Variants in SAMD4A observed in about 807,000 individuals in gnomAD.
SAMD4A encodes sterile alpha motif domain containing 4A.
Under a neutral mutation model 81.3 loss-of-function variants are expected in SAMD4A, and 33 were observed. The observed-to-expected ratio is 0.41, with a 90% confidence interval of 0.31 to 0.54. The LOEUF is 0.54. SAMD4A is among the 20% of genes least tolerant of loss of function. SAMD4A has a pLI of 0.37. For missense variants in SAMD4A, 854 were observed against 951.1 expected (o/e 0.90, Z 1.34); for synonymous variants, 389 against 382.1 (o/e 1.02, Z -0.21).
chr14:54,694,356 G>C (rs1028938860), intron 2 of SAMD4A: 1 of 152,716 alleles, frequency 6.5e-6, no homozygotes, highest in African/African-American at 2.4e-5. Context: ...TTTATGGAGA[G>C]GTTAGATGCA....
At chr14:54,593,566 G>C (rs1469575508) in intron 2 of SAMD4A, among the ~76,000 whole-genome samples, 3 of 152,106 alleles carry the variant, frequency 2.0e-5, no homozygotes, top group Non-Finnish European at 4.4e-5. Context: ...GATTTCAGGA[G>C]AAATGAAATC....
intron 3 of SAMD4A, among the ~76,000 whole-genome samples, chr14:54,724,007 T>TGGAAGAAAGGAAGGAAGGAA: frequency 8.1e-6 from 1 of 124,176 alleles, no homozygotes; most frequent in South Asian, 3.0e-4. Context: ...GATGGATGGA[T>TGGAAGAAAGGAAGGAAGGAA]GGAAGGAAGG....
At chr14:54,656,279 T>A (rs1359449420) in intron 2 of SAMD4A, among the ~76,000 whole-genome samples, 1 of 152,188 alleles carries the variant, frequency 6.6e-6, no homozygotes, top group Non-Finnish European at 1.5e-5. Flanking sequence ...CTTTAATGAT[T>A]ACATTTAGAG....
At chr14:54,696,027 A>G (rs1304760114) in intron 2 of SAMD4A, among the ~76,000 whole-genome samples, 2 of 152,044 alleles carry the variant, frequency 1.3e-5, no homozygotes, top group Non-Finnish European at 2.9e-5. Flanking sequence ...GTACCTTTTC[A>G]AAACACTACT....
chr14:54,730,798 G>T (rs2037542747), intron 3 of SAMD4A, among the ~76,000 whole-genome samples: 1 of 151,926 alleles, frequency 6.6e-6, no homozygotes, highest in Non-Finnish European at 1.5e-5. Context: ...AAATACTCTG[G>T]TTTTGTATGT....
chr14:54,638,212 A>G (rs529268836), intron 2 of SAMD4A, among the ~76,000 whole-genome samples: 1 of 152,220 alleles, frequency 6.6e-6, no homozygotes, highest in South Asian at 2.1e-4. Flanking sequence ...GCTTAGGGCA[A>G]CTGTGTGTCT....
chr14:54,595,417 A>G (rs996266979), intron 2 of SAMD4A, among the ~76,000 whole-genome samples: 1 of 148,252 alleles, frequency 6.7e-6, no homozygotes, highest in Non-Finnish European at 1.5e-5. Flanking sequence ...ACATGTGTTT[A>G]TTTATATATA....
At chr14:54,777,223 G>C (rs1408467888) in intron 11 of SAMD4A, among the ~76,000 whole-genome samples, 2 of 150,814 alleles carry the variant, frequency 1.3e-5, no homozygotes, top group East Asian at 3.9e-4. Context: ...ACTGCCCCAA[G>C]GCAGGCAAAC....
At chr14:54,645,444 C>T (rs535064290) in intron 2 of SAMD4A, among the ~76,000 whole-genome samples, 4 of 152,258 alleles carry the variant, frequency 2.6e-5, no homozygotes, top group African/African-American at 7.2e-5. Context: ...CATTAATTTA[C>T]GAAAGACTCT....
chr14:54,719,312 C>G (rs1431211739), intron 3 of SAMD4A, among the ~76,000 whole-genome samples: 1 of 152,140 alleles, frequency 6.6e-6, no homozygotes, highest in Non-Finnish European at 1.5e-5. Context: ...CATTGGGAAT[C>G]ACAGCCCTAA....
At chr14:54,646,140 G>T (rs765478922) in intron 2 of SAMD4A, among the ~76,000 whole-genome samples, 27 of 152,190 alleles carry the variant, frequency 1.8e-4, no homozygotes, top group Non-Finnish European at 3.2e-4. Context: ...ACATGGCCCA[G>T]GTTTGTCACA....
intron 2 of SAMD4A, among the ~76,000 whole-genome samples, chr14:54,586,445 A>G (rs1482904185): frequency 3.9e-5 from 6 of 151,970 alleles, no homozygotes; most frequent in African/African-American, 1.2e-4. Context: ...AGTCCCATCT[A>G]TTTATCTTTG....
intron 2 of SAMD4A, among the ~76,000 whole-genome samples, chr14:54,675,749 G>A (rs1327786619): frequency 1.3e-5 from 2 of 152,314 alleles, no homozygotes; most frequent in Non-Finnish European, 2.9e-5. Context: ...AAAGTGAGGC[G>A]AGAGTCACCC....
At chr14:54,746,748 C>G (rs973221366) in intron 4 of SAMD4A, among the ~76,000 whole-genome samples, 4 of 152,224 alleles carry the variant, frequency 2.6e-5, no homozygotes, top group African/African-American at 9.7e-5. Context: ...GCTACCTTCT[C>G]TTTTGTGATG....
At chr14:54,666,467 A>G (rs375057781) in intron 2 of SAMD4A, among the ~76,000 whole-genome samples, 182 of 152,198 alleles carry the variant, frequency 1.2e-3, no homozygotes, top group African/African-American at 4.3e-3. Context: ...TCGGCCCTCC[A>G]TATGTGTGGA....
At chr14:54,729,183 C>G (rs1315138745) in intron 3 of SAMD4A, among the ~76,000 whole-genome samples, 1 of 152,010 alleles carries the variant, frequency 6.6e-6, no homozygotes, top group Non-Finnish European at 1.5e-5. Flanking sequence ...GAAATCCTGG[C>G]TATTTGAAGT....
In SAMD4A at chr14:54,733,072, G is replaced by A. The variant is rs939953451; in HGVS notation, c.716-3952G>A. ...GAAAGAGTTCTCATTAAAGATGCTA[G>A]GAGATGAAAAAATCATTAGGTTAGA... is the stretch of plus-strand genomic sequence containing the variant. On this transcript the variant is annotated intron_variant, in intron 3 of 12. Transcript: ENST00000554335. 2.6e-5 allele frequency among the ~76,000 whole-genome samples: 4 copies of A among 152,218 alleles called. No individual in the cohort carries two copies. In the East Asian group the frequency reaches 7.7e-4, roughly 29 times the overall value.
intron 2 of SAMD4A, among the ~76,000 whole-genome samples, chr14:54,607,380 G>T (rs552363185): frequency 2.0e-5 from 3 of 152,188 alleles, no homozygotes; most frequent in South Asian, 4.1e-4. Flanking sequence ...GATGGAAAGG[G>T]AGTCAAAAAT....
intron 4 of SAMD4A, among the ~76,000 whole-genome samples, chr14:54,744,010 C>G (rs78426294): frequency 6.6e-6 from 1 of 152,192 alleles, no homozygotes; most frequent in Non-Finnish European, 1.5e-5. Flanking sequence ...TTCCTCTTCT[C>G]CCCCTCAGAG....
Sources: allele counts gnomAD v4.1 joint callset (sites outside exome capture counted in the v4.1 genomes callset), GRCh38; gene constraint gnomAD v4.1.1; transcripts MANE v1.5; gene names NCBI Gene and HGNC (gene_info 2026-07-23, HGNC 2026-07-21).